MYH9: variants seen among roughly 807,000 people sequenced by gnomAD.
MYH9 encodes myosin heavy chain 9, also known as myosin-9.
MYH9 carries 29 observed loss-of-function variants against 241.9 expected under a neutral mutation model. The ratio of observed to expected loss-of-function variants is 0.12; its 90% CI spans 0.09 to 0.16. The LOEUF (loss-of-function observed/expected upper bound fraction) is 0.16, where lower values mean the gene tolerates loss of function less well. Ranked by LOEUF, MYH9 falls within the 10% of genes least tolerant of loss-of-function variation. The pLI is 1.00. For missense variants in MYH9, 1,803 were observed against 2,595.5 expected (o/e 0.69, Z 6.63); for synonymous variants, 1,047 against 1,062.6 (o/e 0.99, Z 0.29).
intron 1 of MYH9, among the ~76,000 whole-genome samples, chr22:36,355,102 T>C (rs983452301): frequency 7.9e-5 from 12 of 151,768 alleles, no homozygotes. Context: ...CCCCTGGAGA[T>C]GAGATTGGAT....
chr22:36,291,370 T>C (rs2016699695), intron 31 of MYH9, among the ~76,000 whole-genome samples: 1 of 152,212 alleles, frequency 6.6e-6, no homozygotes, highest in Non-Finnish European at 1.5e-5. Flanking sequence ...TGTTGATCTG[T>C]GACCTTACCC....
At chr22:36,344,749 A>G (rs1019732953) in intron 2 of MYH9, among the ~76,000 whole-genome samples, 2 of 152,204 alleles carry the variant, frequency 1.3e-5, no homozygotes, top group Non-Finnish European at 2.9e-5. Context: ...TTGCAATGGA[A>G]AGACGCAGCC....
At chr22:36,351,056 T>C (rs556432385) in intron 1 of MYH9, among the ~76,000 whole-genome samples, 53 of 152,150 alleles carry the variant, frequency 3.5e-4, no homozygotes, top group African/African-American at 1.3e-3. Flanking sequence ...GCTGGGGGCA[T>C]GGGAGGGAAA....
At chr22:36,349,296 C>T (rs189103354) in intron 1 of MYH9, 41 bp from the exon 2 acceptor site, 14 of 1,461,488 alleles carry the variant, frequency 9.6e-6, no homozygotes, top group East Asian at 9.1e-5. Context: ...CATACAACTA[C>T]GTCAGCCACA....
In MYH9 at chr22:36,301,410, A is replaced by T; in HGVS notation, c.2631+124T>A. On this transcript the variant is annotated intron_variant, in intron 21 of 40. Coordinates refer to ENST00000216181, the MANE Select transcript of MYH9 (RefSeq NM_002473.6). ...ACTGGTCACTGTTTACAGTAATAGG[A>T]AACTCAGTTGTAGAAAACTCCTATA... The T allele has an allele frequency of 2.3e-6, 3 of 1,325,542 alleles. 1 individual carries two copies. The South Asian group carries it at 3.6e-5, about 16-fold the overall frequency. The allele number at this position is 1,325,542 out of a possible 1,614,324, so 82.1% of individuals were successfully genotyped here.
In MYH9 at chr22:36,284,220, C is replaced by T; in HGVS notation, c.5638G>A (p.Glu1880Lys). The change falls in exon 40 of 41, where the codon GAG becomes AAG. Residue 1880 changes from glutamate to lysine, a missense_variant. This residue lies in a region of MYH9 where 876 missense variants were observed against 1,077.8 expected (regional missense o/e 0.81). Transcript: ENST00000216181. The part of the protein sequence containing the change: ...TRLKQLKRQL[E>K]EAEEEAQRAN... ...CGCTGGGCCTCCTCTTCGGCCTCCT[C>T]CAGCTGCCGCTTGAGCTGCTTCAGG... 1 of 1,613,040 alleles carries T rather than the reference C, an allele frequency of 6.2e-7. No individual in the cohort carries two copies. Among genetic ancestry groups the T allele is most frequent in the Non-Finnish European group, 8.5e-7 (1 of 1,179,724 alleles).
chr22:36,327,616 GCAGTCTACCCT>G lies in MYH9; in HGVS notation c.491-139_491-129del, dbSNP rs1410093820. 4.5e-6 allele frequency: 5 copies of G among 1,103,196 alleles called. No individual in the cohort carries two copies. The African/African-American group carries it at 7.7e-5, about 17-fold the overall frequency. The allele number at this position is 1,103,196 out of a possible 1,614,324, so 68.3% of individuals were successfully genotyped here. On this transcript the variant is annotated intron_variant, in intron 3 of 40. Transcript: ENST00000216181. ...CAGATGCTGTCTTTGTGGGGATCTC[GCAGTCTACCCT>G]CACACCTGGCTAGGAGGAGCATCTT...
In MYH9 at chr22:36,311,784, C is replaced by T. The variant is rs145776836; in HGVS notation, c.1728+265G>A. On this transcript the variant is annotated intron_variant, in intron 14 of 40. Transcript: ENST00000216181. ...CTCTGCACCTGGCAGACAGGCCCAA[C>T]GATAATGCATGATGACAACCAGCCT... Among the ~76,000 whole-genome samples the T allele has an allele frequency of 3.3e-3, 504 of 152,338 alleles. 1 individual carries two copies. The highest frequency in any genetic ancestry group is 0.011 in the African/African-American group (475 of 41,572).
intron 23 of MYH9, 39 bp from the exon 24 acceptor site, chr22:36,299,081 G>A (rs1393960269): frequency 1.2e-6 from 2 of 1,613,094 alleles, no homozygotes; most frequent in Admixed American, 1.7e-5. Flanking sequence ...AGTGTTGGTT[G>A]AGCACAGAAC....
Position 36,281,811 on chromosome 22 carries a change from C to G in MYH9, c.*857G>C, listed in dbSNP as rs1404593998. 1.3e-5 allele frequency: 3 copies of G among 231,348 alleles called. No individual in the cohort carries two copies. Among genetic ancestry groups the G allele is most frequent in the Non-Finnish European group, 2.6e-5 (3 of 116,662 alleles). The allele number at this position is 231,348 out of a possible 1,614,324, so 14.3% of individuals were successfully genotyped here. On this transcript the variant is annotated 3_prime_UTR_variant, in exon 41 of 41. Transcript: ENST00000216181. ...TAGACACAAGATCGCCTGGGAGGGC[C>G]GCTGGCCCCTCTAACGCTCTGGCTG...
chr22:36,372,611 T>C (rs563990796), intron 1 of MYH9, among the ~76,000 whole-genome samples: 19 of 152,134 alleles, frequency 1.2e-4, no homozygotes, highest in Admixed American at 1.1e-3. Context: ...GACAGAGCTG[T>C]CCCAGTGAAA....
intron 2 of MYH9, among the ~76,000 whole-genome samples, chr22:36,344,177 C>A (rs775433739): frequency 6.6e-6 from 1 of 152,254 alleles, no homozygotes; most frequent in Non-Finnish European, 1.5e-5. Flanking sequence ...AGGAGATTCA[C>A]TGGATGCTCG....
At chr22:36,310,494 T>C (rs999015049) in intron 14 of MYH9, among the ~76,000 whole-genome samples, 1 of 152,240 alleles carries the variant, frequency 6.6e-6, no homozygotes, top group Non-Finnish European at 1.5e-5. Context: ...ATCAGGGACC[T>C]AGGCCTCCCT....
intron 31 of MYH9, 80 bp downstream of exon 31, chr22:36,291,906 C>T: frequency 6.2e-7 from 1 of 1,605,090 alleles, no homozygotes; most frequent in Non-Finnish European, 8.5e-7. Context: ...GGAGCCCAGG[C>T]TTTCTCTGAT....
At position 36,289,289 on chromosome 22, in the gene MYH9, C is replaced by T. The variant is rs373177496; in HGVS notation, c.4353G>A (p.Ala1451=). Residue 1451 remains alanine (A), a synonymous_variant, in exon 32 of 41, where the codon GCG becomes GCA. Coordinates refer to ENST00000216181, the MANE Select transcript of MYH9 (RefSeq NM_002473.6). The stretch of plus-strand genomic sequence containing the variant: ...ACTTGGCAGAGATGGTCTTCTCCTC[C>T]GCCAGGAGCTGGGAAAGAGGTGGGC... ...KKQKKFDQLL[A]EEKTISAKYA... 2.1e-5 allele frequency: 34 copies of T among 1,609,634 alleles called. No individual in the cohort carries two copies. Among genetic ancestry groups the T allele is most frequent in the Admixed American group, 1.3e-4 (8 of 59,640 alleles).
chr22:36,290,719 C>T (rs1028743798), intron 31 of MYH9, among the ~76,000 whole-genome samples: 5 of 151,482 alleles, frequency 3.3e-5, no homozygotes, highest in Admixed American at 1.3e-4. Context: ...TCTTCCCGGC[C>T]GCCATCACAT....
intron 9 of MYH9, 68 bp from the exon 10 acceptor site, chr22:36,319,703 A>C: frequency 6.8e-7 from 1 of 1,470,938 alleles, no homozygotes; most frequent in Non-Finnish European, 9.4e-7. Flanking sequence ...GGTGGGGGCC[A>C]CTCATCTAGG....
In MYH9 at chr22:36,288,240, G is replaced by A. The variant is rs772533807; in HGVS notation, c.4932+12C>T. Reference sequence around the variant, plus strand: ...TGCCGCCCACCCTCACCTGGGCCCCGCCCACCCTTACCTGCAGCTTCCGCA... The same window carrying A: ...TGCCGCCCACCCTCACCTGGGCCCCACCCACCCTTACCTGCAGCTTCCGCA... On this transcript the variant is annotated intron_variant, in intron 34 of 40. Transcript: ENST00000216181. This position sits in a 1 kb window ranked among gnomAD's most constrained non-coding sequence, Gnocchi z 4.8. 17 of 1,610,792 alleles carry A rather than the reference G, an allele frequency of 1.1e-5. No homozygotes were observed. Among genetic ancestry groups the A allele is most frequent in the Admixed American group, 3.3e-5 (2 of 59,940 alleles).
At chr22:36,338,478 T>G (rs1335484351) in intron 3 of MYH9, among the ~76,000 whole-genome samples, 1 of 152,120 alleles carries the variant, frequency 6.6e-6, no homozygotes, top group Non-Finnish European at 1.5e-5. Flanking sequence ...CAATACAAGT[T>G]TCCCGTGCTC....
Sources: gnomAD v4.1 joint callset for allele counts (sites outside exome capture counted in the v4.1 genomes callset) on GRCh38, gnomAD v4.1.1 for gene constraint, gnomAD v4.1.1 regional missense constraint, Gnocchi (gnomAD v3.1) non-coding constraint, MANE v1.5 for transcripts, NCBI Gene and HGNC (gene_info 2026-07-23, HGNC 2026-07-21) for gene names.